FOXP1: variants seen among roughly 807,000 people sequenced by gnomAD.
FOXP1 encodes the protein forkhead box P1.
FOXP1 carries 15 observed loss-of-function variants against 98.2 expected under a neutral mutation model. The observed-to-expected ratio is 0.15, with a 90% CI of 0.10 to 0.24. The LOEUF (loss-of-function observed/expected upper bound fraction) is 0.24, where lower values mean the gene tolerates loss of function less well. FOXP1 is among the 10% of genes least tolerant of loss of function. The pLI is 1.00. For synonymous variants in FOXP1, 371 were observed against 314.5 expected (o/e 1.18, Z -1.90); for missense variants, 633 against 848.5 (o/e 0.75, Z 3.15).
At chr3:71,401,132 T>C (rs1473166388) in intron 3 of FOXP1, among the ~76,000 whole-genome samples, 2 of 152,202 alleles carry the variant, frequency 1.3e-5, no homozygotes, top group Non-Finnish European at 2.9e-5. Flanking sequence ...CTCACATGCT[T>C]CTCTAGTTAC....
chr3:71,417,315 AT>A (rs1235145095), intron 3 of FOXP1, among the ~76,000 whole-genome samples: 1 of 152,208 alleles, frequency 6.6e-6, no homozygotes, highest in Non-Finnish European at 1.5e-5. Flanking sequence ...CATTGGCTAT[AT>A]TCCATGGTTA....
At chr3:70,967,477 T>C (rs887342515) in intron 19 of FOXP1, among the ~76,000 whole-genome samples, 17 of 152,136 alleles carry the variant, frequency 1.1e-4, no homozygotes, top group Admixed American at 1.0e-3. Flanking sequence ...TTTTAAAAAG[T>C]AGGGGGAAAA....
intron 4 of FOXP1, among the ~76,000 whole-genome samples, chr3:71,342,915 A>C (rs2077097665): frequency 6.6e-6 from 1 of 152,218 alleles, no homozygotes; most frequent in African/African-American, 2.4e-5. Context: ...GATTGTATTC[A>C]GTTTGGGTTA....
chr3:71,237,293 T>C (rs1297860486), intron 5 of FOXP1, among the ~76,000 whole-genome samples: 1 of 124,316 alleles, frequency 8.0e-6, no homozygotes, highest in Non-Finnish European at 1.7e-5. Flanking sequence ...ATATCCAAAA[T>C]GTTTTAATTT....
rs574840558 is a variant in FOXP1, at chr3:71,504,268, G to C, written c.-297-10713C>G. The stretch of plus-strand genomic sequence containing the variant: ...GGAGCACTTTCAAAAAACCCACCAA[G>C]GAACCAAAGCTACCATAACTTAAAA... On this transcript the variant is annotated intron_variant, in intron 2 of 20. Coordinates refer to ENST00000649528, the MANE Select transcript of FOXP1 (RefSeq NM_001349338.3). Among the ~76,000 whole-genome samples, 25 of 151,958 alleles carry C rather than the reference G, an allele frequency of 1.6e-4. No individual in the cohort carries two copies. In the East Asian group the frequency reaches 1.7e-3, roughly 11 times the overall value.
At chr3:71,049,224 C>CCTTT (rs2049484163) in intron 9 of FOXP1, among the ~76,000 whole-genome samples, 1 of 152,142 alleles carries the variant, frequency 6.6e-6, no homozygotes, top group Admixed American at 6.5e-5. Flanking sequence ...GGTCTGTTTT[C>CCTTT]CTTTCTTCGG....
intron 3 of FOXP1, among the ~76,000 whole-genome samples, chr3:71,388,706 T>C (rs534105566): frequency 2.2e-4 from 33 of 152,170 alleles, no homozygotes; most frequent in African/African-American, 7.9e-4. Flanking sequence ...TTACAACAAA[T>C]TAACAACATA....
At chr3:71,343,545 C>G (rs1385473448) in intron 4 of FOXP1, among the ~76,000 whole-genome samples, 1 of 140,510 alleles carries the variant, frequency 7.1e-6, no homozygotes, top group Non-Finnish European at 1.5e-5. Context: ...GTTTTTAAAT[C>G]TCAATTAGAT....
At chr3:71,467,958 A>G (rs949288251) in intron 3 of FOXP1, among the ~76,000 whole-genome samples, 2 of 152,184 alleles carry the variant, frequency 1.3e-5, no homozygotes, top group Admixed American at 6.5e-5. Context: ...AAGTCTATTC[A>G]TGATCTACCA....
At chr3:71,532,198 C>G (rs1256284954) in intron 2 of FOXP1, among the ~76,000 whole-genome samples, 2 of 152,180 alleles carry the variant, frequency 1.3e-5, no homozygotes, top group African/African-American at 4.8e-5. Context: ...CTCCTGGGCT[C>G]AAGCAATCCT....
chr3:71,315,066 C>T (rs1343370541), intron 4 of FOXP1, among the ~76,000 whole-genome samples: 5 of 110,858 alleles, frequency 4.5e-5, no homozygotes, highest in Non-Finnish European at 8.5e-5. Context: ...AACTAATCCA[C>T]ACCTGGTCCA....
chr3:71,074,786 C>T (rs2053624801), intron 7 of FOXP1, among the ~76,000 whole-genome samples: 1 of 152,166 alleles, frequency 6.6e-6, no homozygotes, highest in African/African-American at 2.4e-5. Flanking sequence ...TTGATTCTTA[C>T]AGGAATCCAC....
chr3:71,317,831 A>G (rs1252629887), intron 4 of FOXP1, among the ~76,000 whole-genome samples: 2 of 152,200 alleles, frequency 1.3e-5, no homozygotes, highest in Non-Finnish European at 1.5e-5. Flanking sequence ...GAACTAATAC[A>G]CAATGAAAAA....
chr3:71,511,402 T>C (rs183180061), intron 2 of FOXP1, among the ~76,000 whole-genome samples: 30 of 152,202 alleles, frequency 2.0e-4, no homozygotes, highest in African/African-American at 7.0e-4. Context: ...GAGTGCTAAA[T>C]TTCCTCCATT....
intron 7 of FOXP1, among the ~76,000 whole-genome samples, chr3:71,085,179 G>C: frequency 6.6e-6 from 1 of 151,836 alleles, no homozygotes; most frequent in East Asian, 1.9e-4. Context: ...GTCTCACTCT[G>C]TCCCCCAGGC....
intron 6 of FOXP1, among the ~76,000 whole-genome samples, chr3:71,169,270 C>G (rs2061531801): frequency 6.6e-6 from 1 of 152,190 alleles, no homozygotes; most frequent in Non-Finnish European, 1.5e-5. Flanking sequence ...CGCCTCTGCC[C>G]TAGCGTCTTC....
chr3:70,991,948 G>T (rs2040669104), intron 13 of FOXP1, among the ~76,000 whole-genome samples: 1 of 152,170 alleles, frequency 6.6e-6, no homozygotes, highest in Non-Finnish European at 1.5e-5. Flanking sequence ...CTCTCATGCT[G>T]AACTACTGTT....
chr3:71,331,897 G>A (rs1045717179), intron 4 of FOXP1, among the ~76,000 whole-genome samples: 1 of 151,976 alleles, frequency 6.6e-6, no homozygotes, highest in Non-Finnish European at 1.5e-5. Context: ...TAGTGGGGAG[G>A]TGGAGAACTT....
At chr3:71,138,429 A>G (rs2059920911) in intron 6 of FOXP1, among the ~76,000 whole-genome samples, 1 of 152,172 alleles carries the variant, frequency 6.6e-6, no homozygotes, top group African/African-American at 2.4e-5. Flanking sequence ...ATGATACATG[A>G]ATTAGTTTTT....
Sources: allele counts gnomAD v4.1 joint callset (sites outside exome capture counted in the v4.1 genomes callset), GRCh38; gene constraint gnomAD v4.1.1; transcripts MANE v1.5; gene names NCBI Gene and HGNC (gene_info 2026-07-23, HGNC 2026-07-21).